The following CELA3B variants were observed in gnomAD, a reference collection of about 807,000 sequenced individuals.
The protein encoded by CELA3B is chymotrypsin-like elastase family member 3B.
A neutral mutation model predicts 37.2 loss-of-function variants in CELA3B; 34 were observed. The ratio of observed to expected loss-of-function variants is 0.91; its 90% confidence interval spans 0.70 to 1.22. The LOEUF is 1.22. Ranked by LOEUF, CELA3B falls within the 50% of genes most tolerant of loss-of-function variation. CELA3B has a pLI of 0.00. For missense variants in CELA3B, 340 were observed against 363.1 expected (o/e 0.94, Z 0.52); for synonymous variants, 127 against 143.5 (o/e 0.89, Z 0.82).
intron 4 of CELA3B, among the ~76,000 whole-genome samples, chr1:21,995,112 C>T (rs1261651510): frequency 6.7e-6 from 1 of 148,646 alleles, no homozygotes; most frequent in South Asian, 2.1e-4. Context: ...GGTGGCTGTC[C>T]CCAATATTGG....
rs574036574 is a variant in CELA3B, at chr1:21,977,771, C to T, written c.44-598C>T. 2.8e-5 allele frequency: 9 copies of T among 318,182 alleles called. No homozygotes were observed. The East Asian group carries it at 8.5e-4, about 30-fold the overall frequency. The allele number at this position is 318,182 out of a possible 1,614,324, so 19.7% of individuals were successfully genotyped here. On this transcript the variant is annotated intron_variant, in intron 1 of 7. Transcript: ENST00000337107. Reference sequence around the variant, plus strand: ...TTGAGATGGGGTCTTGCTTTGTTGCCCAGACTGGTCTCAAAATCTTGGCCT... The same window carrying T: ...TTGAGATGGGGTCTTGCTTTGTTGCTCAGACTGGTCTCAAAATCTTGGCCT...
At chr1:21,985,149 G>A (rs112686052) in intron 6 of CELA3B, among the ~76,000 whole-genome samples, 4,445 of 152,130 alleles carry the variant, frequency 0.029, 109 homozygotes, top group African/African-American at 0.068. Context: ...CAGGCATGGT[G>A]GCACTCGCCT....
chr1:21,992,405 T>C, downstream of CELA3B, among the ~76,000 whole-genome samples: 1 of 151,724 alleles, frequency 6.6e-6, no homozygotes, highest in Non-Finnish European at 1.5e-5. Flanking sequence ...CCCCACCTCT[T>C]TAAGCATGAC....
downstream of CELA3B, among the ~76,000 whole-genome samples, chr1:21,991,944 G>A (rs1294746981): frequency 4.0e-5 from 6 of 150,312 alleles, no homozygotes; most frequent in East Asian, 1.0e-3. Context: ...ACATGGTGAA[G>A]CCCCGTCTCT....
chr1:21,978,852 A>C (rs1404477583), intron 2 of CELA3B, among the ~76,000 whole-genome samples: 1 of 151,874 alleles, frequency 6.6e-6, no homozygotes, highest in African/African-American at 2.4e-5. Context: ...AGGGAAGCTC[A>C]GAAGGCTGGA....
At chr1:21,979,451 TTC>T (rs1491058255) in intron 2 of CELA3B, among the ~76,000 whole-genome samples, 2,260 of 92,194 alleles carry the variant, frequency 0.025, 73 homozygotes, top group East Asian at 0.13. Context: ...TTCTTTTCTT[TTC>T]TTTTTTTTTT....
chr1:21,983,698 G>C lies in CELA3B; in HGVS notation c.367G>C (p.Asp123His), dbSNP rs752671481. The change falls in exon 5 of 8, where the codon GAC becomes CAC. Residue 123 changes from aspartate (D) to histidine (H), a missense_variant. Transcript: ENST00000337107. ...WNRSCVACGN[D>H]IALIKLSRSA... ...TGACTGTTCCCTCCTCCCCAGCAAT[G>C]ACATCGCCCTCATCAAGCTCTCACG... 6.2e-7 allele frequency: 1 copy of C among 1,613,828 alleles called. No individual in the cohort carries two copies. Among genetic ancestry groups the C allele is most frequent in the South Asian group, 1.1e-5 (1 of 91,056 alleles).
intron 4 of CELA3B, 120 bp from the exon 5 acceptor site, chr1:21,983,574 G>A (rs1392112822): frequency 4.9e-6 from 7 of 1,415,966 alleles, no homozygotes; most frequent in East Asian, 2.3e-5. Flanking sequence ...ATGAAAGAGT[G>A]GATTTGGAGG....
chr1:21,989,759 C>T (rs1259920392), downstream of CELA3B, among the ~76,000 whole-genome samples: 1 of 150,908 alleles, frequency 6.6e-6, no homozygotes, highest in Admixed American at 6.6e-5. Context: ...CACTGATGGG[C>T]TGGGGGCTTT....
chr1:21,977,264 G>A lies in CELA3B; in HGVS notation c.43+182G>A, dbSNP rs575464505. On this transcript the variant is annotated intron_variant, in intron 1 of 7. Transcript: ENST00000337107. Reference sequence around the variant, plus strand: ...TTATGATGGAGCAGGAGAGTGGAGGGGAAGCCGTGGATGGAGAAAGACCCC... The same window carrying A: ...TTATGATGGAGCAGGAGAGTGGAGGAGAAGCCGTGGATGGAGAAAGACCCC... Among the ~76,000 whole-genome samples the A allele has an allele frequency of 4.6e-5, 7 of 152,236 alleles. No individual in the cohort carries two copies. In the South Asian group the frequency reaches 1.5e-3, roughly 32 times the overall value.
At chr1:21,989,065 A>G (rs1278552374) in intron 7 of CELA3B, among the ~76,000 whole-genome samples, 197 bp from the exon 8 acceptor site, 1 of 151,992 alleles carries the variant, frequency 6.6e-6, no homozygotes, top group Non-Finnish European at 1.5e-5. Context: ...ACCTTAGTTA[A>G]CAATTTAATC....
At chr1:21,980,544 G>C (rs1287620118) in intron 2 of CELA3B, among the ~76,000 whole-genome samples, 1 of 146,408 alleles carries the variant, frequency 6.8e-6, no homozygotes, top group African/African-American at 2.4e-5. Flanking sequence ...GGGCTCTCAA[G>C]AAACAGAAGG....
intron 2 of CELA3B, among the ~76,000 whole-genome samples, chr1:21,979,124 G>GT (rs1395507516): frequency 2.6e-5 from 4 of 151,752 alleles, no homozygotes; most frequent in African/African-American, 7.3e-5. Context: ...CCAGGCTGAA[G>GT]TGCAATGGCA....
At chr1:21,989,383 C>T (rs1346048362), downstream of CELA3B, 3 of 891,350 alleles carry the variant, frequency 3.4e-6, no homozygotes, top group Non-Finnish European at 5.3e-6. Context: ...TGTTGACTCA[C>T]CTCTTCCCCT....
chr1:21,995,295 C>T (rs369374808), intron 4 of CELA3B, among the ~76,000 whole-genome samples: 2 of 150,626 alleles, frequency 1.3e-5, no homozygotes, highest in African/African-American at 4.9e-5. Context: ...TGTACCATCA[C>T]GTCTGGCTAA....
intron 4 of CELA3B, among the ~76,000 whole-genome samples, chr1:21,997,229 T>G (rs1470201393): frequency 6.7e-6 from 1 of 149,882 alleles, no homozygotes; most frequent in Non-Finnish European, 1.5e-5. Flanking sequence ...GGCGTGGTGG[T>G]ACATGCCTGT....
At chr1:21,989,896 A>G (rs962196832), downstream of CELA3B, among the ~76,000 whole-genome samples, 36 of 150,412 alleles carry the variant, frequency 2.4e-4, 1 homozygote, top group Admixed American at 1.3e-3. Context: ...CTGTGTTCAT[A>G]CTGCTATAAA....
intron 4 of CELA3B, among the ~76,000 whole-genome samples, chr1:21,982,016 C>T (rs149153913): frequency 0.013 from 1,934 of 152,210 alleles, 49 homozygotes; most frequent in African/African-American, 0.043. Flanking sequence ...TGAGCCACCG[C>T]GCCCTGCCAT....
chr1:21,984,121 C>T (rs1393419852), intron 5 of CELA3B, 68 bp from the exon 6 acceptor site: 2 of 1,550,840 alleles, frequency 1.3e-6, no homozygotes, highest in South Asian at 1.2e-5. Flanking sequence ...GCCTTGGATG[C>T]CCCCTTCCTC....
Sources: allele counts gnomAD v4.1 joint callset (sites outside exome capture counted in the v4.1 genomes callset), GRCh38; gene constraint gnomAD v4.1.1; transcripts MANE v1.5; gene names NCBI Gene and HGNC (gene_info 2026-07-23, HGNC 2026-07-21).